The following TAPT1 variants were observed in gnomAD, a reference collection of about 807,000 sequenced individuals.
TAPT1 encodes the protein transmembrane anterior posterior transformation protein 1 homolog.
In TAPT1, 28 loss-of-function variants were observed where a neutral mutation model predicts 65.6. That is an observed-to-expected ratio of 0.43 (90% confidence interval 0.32 to 0.59). The LOEUF is 0.59. Ranked by LOEUF, TAPT1 falls within the 20% of genes least tolerant of loss-of-function variation. The pLI, the probability that TAPT1 is intolerant of heterozygous loss-of-function variation, is 0.09. For synonymous variants in TAPT1, 278 were observed against 245.2 expected (o/e 1.13, Z -1.25); for missense variants, 563 against 679.9 (o/e 0.83, Z 1.91).
intron 12 of TAPT1, among the ~76,000 whole-genome samples, chr4:16,169,212 C>T (rs1747833423): frequency 6.6e-6 from 1 of 152,188 alleles, no homozygotes; most frequent in African/African-American, 2.4e-5. Flanking sequence ...ACATGGGAGG[C>T]TGGGGCACAG....
chr4:16,166,949 G>A, intron 12 of TAPT1, 156 bp from the exon 13 acceptor site: 2 of 562,918 alleles, frequency 3.6e-6, no homozygotes, highest in East Asian at 2.9e-5. Flanking sequence ...GTTTTCTGAG[G>A]CCTCCTTGTC....
intron 2 of TAPT1, among the ~76,000 whole-genome samples, chr4:16,212,692 C>T (rs1750716136): frequency 6.6e-6 from 1 of 152,194 alleles, no homozygotes; most frequent in Non-Finnish European, 1.5e-5. Context: ...ATTTAATGAT[C>T]CTTGCCAAAG....
At chr4:16,206,282 T>C (rs1480091839) in intron 2 of TAPT1, among the ~76,000 whole-genome samples, 3 of 152,248 alleles carry the variant, frequency 2.0e-5, no homozygotes, top group South Asian at 2.1e-4. Flanking sequence ...TGTAGGACTA[T>C]GCACATAGAA....
intron 7 of TAPT1, chr4:16,183,005 A>G (rs943238565): frequency 6.6e-6 from 1 of 152,238 alleles, no homozygotes; most frequent in African/African-American, 2.4e-5. Context: ...AAAAATTCAT[A>G]GGAAAATTCA....
At chr4:16,185,093 G>A (rs1392359755) in intron 7 of TAPT1, among the ~76,000 whole-genome samples, 1 of 151,792 alleles carries the variant, frequency 6.6e-6, no homozygotes, top group Non-Finnish European at 1.5e-5. Flanking sequence ...TATAACTTTA[G>A]CATTTATGTT....
chr4:16,202,294 T>C (rs1483189135), intron 3 of TAPT1, among the ~76,000 whole-genome samples, 168 bp downstream of exon 3: 4 of 152,164 alleles, frequency 2.6e-5, no homozygotes, highest in African/African-American at 9.7e-5. Flanking sequence ...AAAAGCTTAA[T>C]ATTATATAAA....
intron 11 of TAPT1, among the ~76,000 whole-genome samples, chr4:16,172,071 T>C (rs931045808): frequency 7.9e-5 from 12 of 152,260 alleles, no homozygotes; most frequent in Admixed American, 4.6e-4. Flanking sequence ...CAAAGTGCTA[T>C]GGAAGGAAGC....
intron 9 of TAPT1, 58 bp downstream of exon 9, chr4:16,176,061 T>C: frequency 1.2e-6 from 1 of 845,354 alleles, no homozygotes; most frequent in East Asian, 2.9e-5. Context: ...CTACAACTTT[T>C]AAAAATTAAG....
intron 1 of TAPT1, among the ~76,000 whole-genome samples, chr4:16,219,412 T>G (rs936018383): frequency 2.6e-5 from 4 of 152,184 alleles, no homozygotes; most frequent in Non-Finnish European, 4.4e-5. Context: ...GACCATGAAC[T>G]TTCTAAGAGC....
chr4:16,176,929 T>C (rs1748371353), intron 8 of TAPT1: 1 of 152,260 alleles, frequency 6.6e-6, no homozygotes, highest in African/African-American at 2.4e-5. Context: ...TCTTTGTAGA[T>C]GAGCAGTCTT....
chr4:16,178,764 C>T (rs559989146), intron 8 of TAPT1, among the ~76,000 whole-genome samples: 6 of 152,276 alleles, frequency 3.9e-5, no homozygotes, highest in East Asian at 3.9e-4. Context: ...AATTCAGAGA[C>T]GCACCTAAGT....
rs1350083142 is a variant in TAPT1, at chr4:16,214,027, G to T, written c.200-129C>A. On this transcript the variant is annotated intron_variant, in intron 1 of 13. Transcript: ENST00000405303. ...AAATAAATGTTATCTATAATTCTAT[G>T]CCTAGAACTGCACACAATGATCAGC... 3 of 649,360 alleles carry T rather than the reference G, an allele frequency of 4.6e-6. 1 individual carries two copies. Among genetic ancestry groups the T allele is most frequent in the Admixed American group, 8.0e-5 (2 of 25,032 alleles). 40.2% of individuals were successfully genotyped at this position (649,360 alleles called of 1,614,324 possible). A position where few individuals can be genotyped will look rare whatever the true frequency, so the allele number is the denominator to read the frequency against.
intron 5 of TAPT1, 148 bp from the exon 6 acceptor site, chr4:16,187,026 C>G: frequency 1.7e-6 from 1 of 597,182 alleles, no homozygotes; most frequent in Non-Finnish European, 3.0e-6. Context: ...TCCCTATTAG[C>G]TATAGTTGAT....
intron 1 of TAPT1, among the ~76,000 whole-genome samples, chr4:16,219,998 T>G: frequency 6.6e-6 from 1 of 152,240 alleles, no homozygotes; most frequent in East Asian, 1.9e-4. Context: ...CGAGTTAGCC[T>G]CGCTGCTTCT....
chr4:16,169,426 C>T (rs1048443854), intron 12 of TAPT1, among the ~76,000 whole-genome samples: 14 of 152,316 alleles, frequency 9.2e-5, no homozygotes, highest in African/African-American at 3.1e-4. Context: ...GTAAACACAG[C>T]ACAATGTTAA....
chr4:16,226,662 C>T, upstream of TAPT1: 1 of 176,802 alleles, frequency 5.7e-6, no homozygotes, highest in Non-Finnish European at 1.1e-5. Context: ...CGGTAGCCGC[C>T]ATCTTCTTCC....
At position 16,217,851 on chromosome 4, in the gene TAPT1, A is replaced by G. The variant is rs116734832; in HGVS notation, c.200-3953T>C. On this transcript the variant is annotated intron_variant, in intron 1 of 13. Coordinates refer to ENST00000405303, the MANE Select transcript of TAPT1 (RefSeq NM_153365.3). Reference sequence around the variant, plus strand: ...AGCTGCTGCTGATTCAGGAGCCTCTACTCTGTATGTGTAGCTAAGTGACTG... The same window carrying G: ...AGCTGCTGCTGATTCAGGAGCCTCTGCTCTGTATGTGTAGCTAAGTGACTG... Among the ~76,000 whole-genome samples, 476 of 152,236 alleles carry G rather than the reference A, an allele frequency of 3.1e-3. 4 individuals are homozygous for G. Among genetic ancestry groups the G allele is most frequent in the African/African-American group, 0.011 (448 of 41,538 alleles).
chr4:16,198,633 GA>G (rs1331881035), intron 3 of TAPT1, among the ~76,000 whole-genome samples: 2 of 151,716 alleles, frequency 1.3e-5, no homozygotes, highest in Non-Finnish European at 2.9e-5. Context: ...TTATTTCTTT[GA>G]AAAAAATAAA....
At chr4:16,208,563 G>A (rs1460681635) in intron 2 of TAPT1, among the ~76,000 whole-genome samples, 1 of 152,144 alleles carries the variant, frequency 6.6e-6, no homozygotes, top group Non-Finnish European at 1.5e-5. Context: ...GGTTGCAGCC[G>A]TCATCTTTCT....
Sources: gnomAD v4.1 joint callset for allele counts (sites outside exome capture counted in the v4.1 genomes callset) on GRCh38, gnomAD v4.1.1 for gene constraint, MANE v1.5 for transcripts, NCBI Gene and HGNC (gene_info 2026-07-23, HGNC 2026-07-21) for gene names.